The following MYO3B variants were observed in gnomAD, a reference collection of about 807,000 sequenced individuals.
MYO3B encodes myosin-IIIb.
In MYO3B, 156 loss-of-function variants were observed where a neutral mutation model predicts 174.6. That is an observed-to-expected ratio of 0.89 (90% CI 0.78 to 1.02). MYO3B has a LOEUF of 1.02. MYO3B is among the 50% of genes least tolerant of loss of function. The pLI, the probability that MYO3B is intolerant of heterozygous loss-of-function variation, is 0.00. For synonymous variants in MYO3B, 563 were observed against 569.1 expected (o/e 0.99, Z 0.15); for missense variants, 1,632 against 1,639.4 (o/e 1.00, Z 0.08).
chr2:170,267,200 G>A (rs2093390706), intron 7 of MYO3B, among the ~76,000 whole-genome samples: 1 of 152,184 alleles, frequency 6.6e-6, no homozygotes, highest in African/African-American at 2.4e-5. Context: ...AACCCAGCCT[G>A]ACAGAGGCTC....
intron 7 of MYO3B, 40 bp downstream of exon 7, chr2:170,236,176 G>C (rs2093068290): frequency 6.2e-7 from 1 of 1,611,008 alleles, no homozygotes; most frequent in Non-Finnish European, 8.5e-7. Flanking sequence ...TTAGTTCTTT[G>C]TGAAAGCGTC....
intron 7 of MYO3B, among the ~76,000 whole-genome samples, chr2:170,320,803 A>G (rs1574780593): frequency 6.6e-6 from 1 of 152,210 alleles, no homozygotes; most frequent in East Asian, 1.9e-4. Context: ...AAATAAACAA[A>G]CAAACATAGA....
Position 170,653,107 on chromosome 2 carries a change from T to C in MYO3B, c.4012T>C (p.Phe1338Leu), listed in dbSNP as rs763777378. 8 of 1,614,000 alleles carry C rather than the reference T, an allele frequency of 5.0e-6. No individual in the cohort carries two copies. In the African/African-American group the frequency reaches 9.3e-5, roughly 19 times the overall value. ...FFSSSSKGDS[F>L]AQH ...TTCTTCATCCTCAAAAGGAGACTCT[T>C]TTGCTCAACATTAAATTGTGCTTCC... is the stretch of plus-strand genomic sequence containing the variant. Residue 1338 changes from phenylalanine to leucine, a missense_variant, in exon 35 of 35, where the codon TTT becomes CTT. By Grantham distance (22) the Phe-to-Leu change is conservative. Transcript: ENST00000408978.
intron 25 of MYO3B, among the ~76,000 whole-genome samples, chr2:170,488,455 T>C (rs1047709648): frequency 9.2e-5 from 14 of 152,170 alleles, no homozygotes; most frequent in Non-Finnish European, 1.9e-4. Flanking sequence ...TTTTTGTACT[T>C]CTTTCTTTCC....
At chr2:170,360,736 A>C (rs1207061280) in intron 8 of MYO3B, among the ~76,000 whole-genome samples, 1 of 152,196 alleles carries the variant, frequency 6.6e-6, no homozygotes, top group Non-Finnish European at 1.5e-5. Flanking sequence ...TTAAGGATTA[A>C]GTACTGGATA....
intron 22 of MYO3B, among the ~76,000 whole-genome samples, chr2:170,427,300 A>G (rs1262464546): frequency 6.6e-6 from 1 of 152,192 alleles, no homozygotes; most frequent in Non-Finnish European, 1.5e-5. Context: ...TTGCATCGCA[A>G]GTCTGTCAGA....
At position 170,404,385 on chromosome 2, in the gene MYO3B, G is replaced by T; in HGVS notation, c.2416G>T (p.Asp806Tyr). Residue 806 changes from aspartate to tyrosine, a missense_variant, in exon 20 of 35, where the codon GAC (aspartate) becomes TAC (tyrosine). Coordinates refer to ENST00000408978, the MANE Select transcript of MYO3B (RefSeq NM_138995.5). ...GGAAAGTCGGTTTCCCCAAGCAACT[G>T]ACCAGACCCTGGTTGGTAGGTAACT... ...DEESRFPQAT[D>Y]QTLVDKFEDN... The T allele has an allele frequency of 1.9e-6, 3 of 1,611,118 alleles. No homozygotes were observed. The highest frequency in any genetic ancestry group is 2.2e-5 in the South Asian group (2 of 90,306).
chr2:170,530,161 G>A (rs1035549938), intron 30 of MYO3B, among the ~76,000 whole-genome samples: 1 of 152,152 alleles, frequency 6.6e-6, no homozygotes, highest in Non-Finnish European at 1.5e-5. Context: ...CAGGAGGAGG[G>A]GTGAATTTGT....
chr2:170,379,194 A>AT (rs11332233), intron 9 of MYO3B, among the ~76,000 whole-genome samples: 28 of 77,120 alleles, frequency 3.6e-4, no homozygotes, highest in Middle Eastern at 6.7e-3. Context: ...ATGTGGTACA[A>AT]TTTTTTTTTT....
intron 1 of MYO3B, among the ~76,000 whole-genome samples, chr2:170,191,737 G>A (rs778043700): frequency 7.2e-5 from 11 of 152,152 alleles, no homozygotes; most frequent in African/African-American, 2.4e-4. Context: ...ATTCAAGATT[G>A]TCTGTCCTAC....
rs1699156130 is a variant in MYO3B, at chr2:170,654,034, G to C, written c.*913G>C. 1.3e-5 allele frequency: 2 copies of C among 152,162 alleles called. No individual in the cohort carries two copies. Among genetic ancestry groups the C allele is most frequent in the South Asian group, 2.1e-4 (1 of 4,834 alleles). The allele number at this position is 152,162 out of a possible 1,614,324, so 9.4% of individuals were successfully genotyped here. A position where few individuals can be genotyped will look rare whatever the true frequency, so the allele number is the denominator to read the frequency against. Reference sequence around the variant, plus strand: ...ATATCTAGTGAATGGAGAATACATGGAGAAACTTAACTAAGTTACACAAGC... The same window carrying C: ...ATATCTAGTGAATGGAGAATACATGCAGAAACTTAACTAAGTTACACAAGC... On this transcript the variant is annotated 3_prime_UTR_variant, in exon 35 of 35. Coordinates refer to ENST00000408978, the MANE Select transcript of MYO3B (RefSeq NM_138995.5).
chr2:170,509,123 G>A (rs1042525939), intron 28 of MYO3B, among the ~76,000 whole-genome samples: 3 of 152,208 alleles, frequency 2.0e-5, no homozygotes, highest in South Asian at 4.1e-4. Flanking sequence ...TTGGGAGGCC[G>A]AGGCGGGTGG....
chr2:170,651,706 A>G lies in MYO3B; in HGVS notation c.3812A>G (p.Glu1271Gly). The change falls in exon 33 of 35, where the codon GAG becomes GGG. Residue 1271 changes from glutamate to glycine, a missense_variant. Transcript: ENST00000408978. ...CAGCCCAAAATGCTGAGTAGCCCTG[A>G]GGACACCATGTACTATAACCAGTTA... ...CQQPKMLSSP[E>G]DTMYYNQLNG... The G allele has an allele frequency of 6.2e-7, 1 of 1,614,124 alleles. No homozygotes were observed. Among genetic ancestry groups the G allele is most frequent in the Non-Finnish European group, 8.5e-7 (1 of 1,180,000 alleles).
chr2:170,232,033 A>T (rs1013472469), intron 6 of MYO3B, among the ~76,000 whole-genome samples: 1 of 152,140 alleles, frequency 6.6e-6, no homozygotes, highest in African/African-American at 2.4e-5. Flanking sequence ...CTTTAATGTG[A>T]CTTACAGAAC....
At chr2:170,600,805 C>T (rs1575227173) in intron 32 of MYO3B, among the ~76,000 whole-genome samples, 1 of 152,114 alleles carries the variant, frequency 6.6e-6, no homozygotes, top group Non-Finnish European at 1.5e-5. Context: ...GAATAGAGTC[C>T]TCATGTAAAG....
In MYO3B at chr2:170,596,857, A is replaced by G. The variant is rs1410684242; in HGVS notation, c.3733+52869A>G. On this transcript the variant is annotated intron_variant, in intron 32 of 34. Transcript: ENST00000408978. ...AAAATAGGCTTAGATTCCTTCAGAA[A>G]AGGAGTCTCTTTGAGCAGCCTAGCC... Among the ~76,000 whole-genome samples, 3 of 152,254 alleles carry G rather than the reference A, an allele frequency of 2.0e-5. No homozygotes were observed. The East Asian group carries it at 5.8e-4, about 29-fold the overall frequency.
intron 28 of MYO3B, among the ~76,000 whole-genome samples, chr2:170,513,847 A>T (rs1490050570): frequency 6.6e-6 from 1 of 152,202 alleles, no homozygotes; most frequent in African/African-American, 2.4e-5. Context: ...GATGCCTGAG[A>T]TGGAGGAGTC....
chr2:170,459,054 G>A (rs1373538487), intron 23 of MYO3B, among the ~76,000 whole-genome samples: 1 of 152,132 alleles, frequency 6.6e-6, no homozygotes, highest in African/African-American at 2.4e-5. Context: ...GGTCTTGCTG[G>A]CTTCAGGAGT....
intron 8 of MYO3B, among the ~76,000 whole-genome samples, chr2:170,336,756 T>C (rs1310235360): frequency 6.6e-6 from 1 of 152,210 alleles, no homozygotes; most frequent in Admixed American, 6.5e-5. Flanking sequence ...GATAAAATTC[T>C]GAATTCCAAA....
Sources: allele counts gnomAD v4.1 joint callset (sites outside exome capture counted in the v4.1 genomes callset), GRCh38; gene constraint gnomAD v4.1.1; transcripts MANE v1.5; gene names NCBI Gene and HGNC (gene_info 2026-07-23, HGNC 2026-07-21).